Variants in GPC5 observed in about 807,000 individuals in gnomAD.
GPC5 encodes glypican 5.
Under a neutral mutation model 53.9 loss-of-function variants are expected in GPC5, and 47 were observed. That is an observed-to-expected ratio of 0.87 (90% CI 0.69 to 1.11). The LOEUF (loss-of-function observed/expected upper bound fraction) is 1.11. GPC5 is among the 50% of genes most tolerant of loss of function. GPC5 has a pLI of 0.00. For synonymous variants in GPC5, 286 were observed against 263.3 expected (o/e 1.09, Z -0.84); for missense variants, 748 against 713.1 (o/e 1.05, Z -0.56).
chr13:91,974,097 G>A (rs982745122), intron 6 of GPC5, among the ~76,000 whole-genome samples: 7 of 152,176 alleles, frequency 4.6e-5, no homozygotes, highest in Non-Finnish European at 8.8e-5. Context: ...ATCTACAGAG[G>A]CAGGCAGGCC....
intron 2 of GPC5, among the ~76,000 whole-genome samples, chr13:91,476,817 T>A (rs1407882610): frequency 1.3e-5 from 2 of 152,160 alleles, no homozygotes; most frequent in Non-Finnish European, 2.9e-5. Context: ...ATATGTACAG[T>A]ATTATCTACA....
At chr13:91,800,845 A>G (rs1457957230) in intron 5 of GPC5, among the ~76,000 whole-genome samples, 1 of 152,132 alleles carries the variant, frequency 6.6e-6, no homozygotes, top group African/African-American at 2.4e-5. Flanking sequence ...TATACTTTAC[A>G]CATTTCAAAG....
In GPC5 at chr13:92,477,211, T is replaced by C. The variant is rs1172759708; in HGVS notation, c.1561+332222T>C. ...AGGAAACTATGGCTTTATATCTGAG[T>C]AAACAAAAGTGGAGGGAAAGGGTTT... On this transcript the variant is annotated intron_variant, in intron 7 of 7. Coordinates refer to ENST00000377067, the MANE Select transcript of GPC5 (RefSeq NM_004466.6). Among the ~76,000 whole-genome samples, 4 of 152,060 alleles carry C rather than the reference T, an allele frequency of 2.6e-5. No homozygotes were observed. In the South Asian group the frequency reaches 8.3e-4, roughly 32 times the overall value.
chr13:92,215,275 T>G (rs2042401866), intron 7 of GPC5, among the ~76,000 whole-genome samples: 1 of 152,246 alleles, frequency 6.6e-6, no homozygotes, highest in African/African-American at 2.4e-5. Flanking sequence ...GTATTTTTCC[T>G]ATCAACATTT....
In GPC5 at chr13:92,385,469, T is replaced by TAC. The variant is rs1230324608; in HGVS notation, c.1561+240482_1561+240483dup. Among the ~76,000 whole-genome samples, 6 of 112,586 alleles carry TAC rather than the reference T, an allele frequency of 5.3e-5. 1 individual carries two copies. Among genetic ancestry groups the TAC allele is most frequent in the East Asian group, 5.4e-4 (2 of 3,736 alleles). The allele number at this position is 112,586 out of a possible 152,430, so 73.9% of individuals were successfully genotyped here. ...ACATATATACATATATACACATATA[T>TAC]ACATATATACATATATACACATATA... is the stretch of plus-strand genomic sequence containing the variant. On this transcript the variant is annotated intron_variant, in intron 7 of 7. Coordinates refer to ENST00000377067, the MANE Select transcript of GPC5 (RefSeq NM_004466.6).
At chr13:92,279,902 C>T (rs1379195211) in intron 7 of GPC5, among the ~76,000 whole-genome samples, 4 of 151,952 alleles carry the variant, frequency 2.6e-5, no homozygotes, top group Admixed American at 6.6e-5. Context: ...TGATATCGGT[C>T]GAATTCTGGC....
intron 2 of GPC5, among the ~76,000 whole-genome samples, chr13:91,688,316 T>C (rs573429270): frequency 6.6e-6 from 1 of 152,258 alleles, no homozygotes; most frequent in East Asian, 1.9e-4. Context: ...AAATTCAAAA[T>C]ATGTTTATCC....
At chr13:92,078,947 C>T (rs2041273719) in intron 6 of GPC5, among the ~76,000 whole-genome samples, 1 of 152,172 alleles carries the variant, frequency 6.6e-6, no homozygotes, top group South Asian at 2.1e-4. Flanking sequence ...TCCTTGAGAC[C>T]TCAGAGCTCT....
chr13:92,166,941 C>CTCTCTCTA (rs1555315959), intron 7 of GPC5, among the ~76,000 whole-genome samples: 2 of 111,722 alleles, frequency 1.8e-5, no homozygotes, highest in African/African-American at 7.1e-5. Context: ...CTCTCTCTCT[C>CTCTCTCTA]TCTCTCTCTC....
intron 6 of GPC5, among the ~76,000 whole-genome samples, chr13:91,990,691 G>T (rs1020699185): frequency 6.6e-6 from 1 of 152,164 alleles, no homozygotes; most frequent in African/African-American, 2.4e-5. Flanking sequence ...TGTATCATGC[G>T]CAATGCTGTG....
At chr13:91,513,028 G>A (rs182252979) in intron 2 of GPC5, among the ~76,000 whole-genome samples, 24 of 152,278 alleles carry the variant, frequency 1.6e-4, no homozygotes, top group Non-Finnish European at 3.1e-4. Context: ...TTAAGCTCCA[G>A]GGTACATATG....
At chr13:91,913,929 T>C (rs1208266015) in intron 6 of GPC5, among the ~76,000 whole-genome samples, 1 of 152,248 alleles carries the variant, frequency 6.6e-6, no homozygotes, top group Non-Finnish European at 1.5e-5. Context: ...GATGTTTGCG[T>C]CAGACTCAAT....
intron 7 of GPC5, among the ~76,000 whole-genome samples, chr13:92,323,569 C>A (rs1594100350): frequency 6.6e-6 from 1 of 151,490 alleles, no homozygotes; most frequent in East Asian, 1.9e-4. Flanking sequence ...TGTATTATCT[C>A]CTCAAAAGAA....
intron 7 of GPC5, among the ~76,000 whole-genome samples, chr13:92,257,893 T>A (rs897265881): frequency 2.0e-5 from 3 of 152,074 alleles, no homozygotes; most frequent in African/African-American, 7.2e-5. Flanking sequence ...GCGGAACTCA[T>A]GAATGAAGTG....
intron 7 of GPC5, among the ~76,000 whole-genome samples, chr13:92,265,663 C>T (rs1357064246): frequency 6.6e-6 from 1 of 152,120 alleles, no homozygotes; most frequent in African/African-American, 2.4e-5. Context: ...AGGCTTTTTG[C>T]AGCCTGCTTC....
chr13:92,243,073 A>C (rs896107241), intron 7 of GPC5, among the ~76,000 whole-genome samples: 1 of 152,282 alleles, frequency 6.6e-6, no homozygotes, highest in South Asian at 2.1e-4. Context: ...ATTTTCCTTT[A>C]GCTCTAATTT....
chr13:92,203,646 A>C (rs998006817), intron 7 of GPC5, among the ~76,000 whole-genome samples: 2 of 119,772 alleles, frequency 1.7e-5, no homozygotes, highest in Non-Finnish European at 3.8e-5. Flanking sequence ...ATAAAAAAAT[A>C]TATATATATA....
chr13:91,779,004 A>G (rs2037755013), intron 5 of GPC5, among the ~76,000 whole-genome samples: 1 of 152,230 alleles, frequency 6.6e-6, no homozygotes, highest in Non-Finnish European at 1.5e-5. Context: ...TAGAAAAGGC[A>G]CAGTAGAAAT....
intron 5 of GPC5, among the ~76,000 whole-genome samples, chr13:91,844,915 T>C (rs2138878949): frequency 6.6e-6 from 1 of 152,188 alleles, no homozygotes; most frequent in South Asian, 2.1e-4. Flanking sequence ...TATTTTTAAG[T>C]TAATTTGTGT....
Sources: allele counts gnomAD v4.1 joint callset (sites outside exome capture counted in the v4.1 genomes callset), GRCh38; gene constraint gnomAD v4.1.1; transcripts MANE v1.5; gene names NCBI Gene and HGNC (gene_info 2026-07-23, HGNC 2026-07-21).